SV2B: variants seen among roughly 807,000 people sequenced by gnomAD.
SV2B encodes the protein solute carrier family 22 member B2.
Under a neutral mutation model 73.9 loss-of-function variants are expected in SV2B, and 41 were observed. The ratio of observed to expected loss-of-function variants is 0.56; its 90% CI spans 0.43 to 0.72. The LOEUF is 0.72. SV2B is among the 30% of genes least tolerant of loss of function. The probability of loss-of-function intolerance (pLI) is 0.00; values close to 1 mark genes in which losing one functional copy is unlikely to be tolerated. For missense variants in SV2B, 764 were observed against 857.8 expected (o/e 0.89, Z 1.37); for synonymous variants, 314 against 314.2 (o/e 1.00, Z 0.01).
At chr15:91,212,815 A>G in intron 1 of SV2B, among the ~76,000 whole-genome samples, 1 of 151,734 alleles carries the variant, frequency 6.6e-6, no homozygotes, top group Non-Finnish European at 1.5e-5. Flanking sequence ...AAAATAAGAA[A>G]AAGAAAAAAA....
chr15:91,125,409 G>A (rs921206023), intron 1 of SV2B, among the ~76,000 whole-genome samples: 3 of 152,002 alleles, frequency 2.0e-5, no homozygotes, highest in Admixed American at 6.6e-5. Context: ...ATCATCCAAC[G>A]GTGATCCCAG....
chr15:91,188,651 G>T (rs1043480731), intron 1 of SV2B, among the ~76,000 whole-genome samples: 1 of 151,966 alleles, frequency 6.6e-6, no homozygotes, highest in Admixed American at 6.6e-5. Flanking sequence ...TATGTCATTT[G>T]AATAGTGTAG....
intron 1 of SV2B, among the ~76,000 whole-genome samples, chr15:91,150,671 G>A (rs79665552): frequency 0.028 from 4,275 of 152,214 alleles, 221 homozygotes; most frequent in African/African-American, 0.095. Context: ...AGATGGGTGG[G>A]CACAAATTGT....
intron 2 of SV2B, among the ~76,000 whole-genome samples, chr15:91,235,904 G>T (rs3784774): frequency 1.2e-4 from 18 of 152,130 alleles, no homozygotes; most frequent in South Asian, 4.1e-4. Flanking sequence ...GAGATAGAGA[G>T]GGGGAGAGAG....
intron 1 of SV2B, among the ~76,000 whole-genome samples, chr15:91,203,424 C>T (rs991896125): frequency 6.6e-6 from 1 of 152,222 alleles, no homozygotes; most frequent in Admixed American, 6.5e-5. Flanking sequence ...CCATTAGAAT[C>T]CTGTTATGTA....
intron 1 of SV2B, among the ~76,000 whole-genome samples, chr15:91,119,390 C>T (rs1277760013): frequency 6.6e-6 from 1 of 152,180 alleles, no homozygotes; most frequent in Non-Finnish European, 1.5e-5. Flanking sequence ...GGTGACCTGC[C>T]TGAATTTAGC....
At chr15:91,199,294 T>C (rs927342592) in intron 1 of SV2B, among the ~76,000 whole-genome samples, 2 of 152,134 alleles carry the variant, frequency 1.3e-5, no homozygotes, top group African/African-American at 4.8e-5. Context: ...GGATGGAAAT[T>C]AGGGAGTGAC....
intron 1 of SV2B, among the ~76,000 whole-genome samples, chr15:91,166,431 T>G (rs1272920192): frequency 2.0e-5 from 3 of 152,120 alleles, no homozygotes; most frequent in Non-Finnish European, 4.4e-5. Flanking sequence ...TAGTTTTCTT[T>G]GAGTTTATCC....
At position 91,268,920 on chromosome 15, in the gene SV2B, A is replaced by G. The variant is rs2048201484; in HGVS notation, c.1373+315A>G. 6.6e-6 allele frequency among the ~76,000 whole-genome samples: 1 copy of G among 152,112 alleles called. No homozygotes were observed. Among genetic ancestry groups the G allele is most frequent in the Non-Finnish European group, 1.5e-5 (1 of 68,024 alleles). On this transcript the variant is annotated intron_variant, in intron 9 of 12. Transcript: ENST00000394232. The surrounding 1 kb of genome is among the most constrained non-coding windows in gnomAD (Gnocchi z 4.4). ...TCCCATTAAGAGTGGCTGCCCAGAG[A>G]AAGGGCCTAGGGCTCTTACTGCTGA...
intron 1 of SV2B, among the ~76,000 whole-genome samples, chr15:91,194,571 G>C (rs1394824854): frequency 6.6e-6 from 1 of 152,212 alleles, no homozygotes; most frequent in Non-Finnish European, 1.5e-5. Context: ...GAAAATTGTA[G>C]AAATGAATTT....
chr15:91,263,285 AACACAGAC>A (rs1189796261), intron 6 of SV2B, among the ~76,000 whole-genome samples: 7 of 150,792 alleles, frequency 4.6e-5, no homozygotes, highest in African/African-American at 1.7e-4. Context: ...GACACACATG[AACACAGAC>A]ACACAGACAC....
At chr15:91,279,327 A>C (rs559306455) in intron 9 of SV2B, among the ~76,000 whole-genome samples, 4 of 152,262 alleles carry the variant, frequency 2.6e-5, no homozygotes, top group African/African-American at 9.6e-5. Context: ...CACTTGCTGG[A>C]CTAACCATTG....
rs1053938730 is a variant in SV2B, at chr15:91,289,600, G to A, written c.1788G>A (p.Gln596=). 2 of 1,614,110 alleles carry A rather than the reference G, an allele frequency of 1.2e-6. No homozygotes were observed. The highest frequency in any genetic ancestry group is 1.7e-6 in the Non-Finnish European group (2 of 1,180,050). Residue 596 remains glutamine (Q), a synonymous_variant, in exon 12 of 13, where the codon CAG becomes CAA. Coordinates refer to ENST00000394232, the MANE Select transcript of SV2B (RefSeq NM_001323032.3). This position sits in a 1 kb window ranked among gnomAD's most constrained non-coding sequence, Gnocchi z 4.9. ...GTGAGTCTGCAATGATCGGCTGGCA[G>A]TGCCTGTTCTGTGGGACAAGCATTG... is the stretch of plus-strand genomic sequence containing the variant. ...GNSESAMIGW[Q]CLFCGTSIAA...
At chr15:91,190,974 A>G (rs57313254) in intron 1 of SV2B, among the ~76,000 whole-genome samples, 7,104 of 146,732 alleles carry the variant, frequency 0.048, 557 homozygotes, top group African/African-American at 0.16. Context: ...ACCTTTATTT[A>G]TCATACCTCT....
At position 91,236,332 on chromosome 15, in the gene SV2B, C is replaced by G. The variant is rs2046779480; in HGVS notation, c.451+9618C>G. On this transcript the variant is annotated intron_variant, in intron 2 of 12. Transcript: ENST00000394232. This position sits in a 1 kb window ranked among gnomAD's most constrained non-coding sequence, Gnocchi z 4.1. ...TTGTATTGATTCACCTATATTTATG[C>G]TTATATTTGCTTCCACAATGGAAAA... is the stretch of plus-strand genomic sequence containing the variant. 6.6e-6 allele frequency among the ~76,000 whole-genome samples: 1 copy of G among 152,094 alleles called. No homozygotes were observed. The highest frequency in any genetic ancestry group is 1.5e-5 in the Non-Finnish European group (1 of 68,016).
At chr15:91,259,348 G>C (rs1268918173) in intron 5 of SV2B, among the ~76,000 whole-genome samples, 3 of 152,134 alleles carry the variant, frequency 2.0e-5, no homozygotes, top group African/African-American at 7.2e-5. Context: ...AGCAGGCAGA[G>C]GGGCAACAGG....
chr15:91,266,274 C>T (rs1056118900), intron 6 of SV2B, among the ~76,000 whole-genome samples: 1 of 152,212 alleles, frequency 6.6e-6, no homozygotes. Context: ...GTCCACTTTC[C>T]AGGGACTGCT....
In SV2B at chr15:91,239,182, C is replaced by T. The variant is rs926203712; in HGVS notation, c.451+12468C>T. ...GGCTGGATGTGAACATCCTCTTCTCCGTGTGGGCTGGCCTGGCTGCTTGAA... is the reference window on the plus strand; with the variant it reads ...GGCTGGATGTGAACATCCTCTTCTCTGTGTGGGCTGGCCTGGCTGCTTGAA... On this transcript the variant is annotated intron_variant, in intron 2 of 12. Transcript: ENST00000394232. The surrounding 1 kb of genome is among the most constrained non-coding windows in gnomAD (Gnocchi z 5.1). Among the ~76,000 whole-genome samples the T allele has an allele frequency of 3.9e-5, 6 of 152,102 alleles. No homozygotes were observed. Among genetic ancestry groups the T allele is most frequent in the East Asian group, 1.9e-4 (1 of 5,172 alleles).
chr15:91,223,539 A>G lies in SV2B; in HGVS notation c.-391-2334A>G, dbSNP rs1176927290. 6.6e-6 allele frequency among the ~76,000 whole-genome samples: 1 copy of G among 152,168 alleles called. No homozygotes were observed. The highest frequency in any genetic ancestry group is 2.4e-5 in the African/African-American group (1 of 41,426). On this transcript the variant is annotated intron_variant, in intron 1 of 12. Coordinates refer to ENST00000394232, the MANE Select transcript of SV2B (RefSeq NM_001323032.3). The surrounding 1 kb of genome is among the most constrained non-coding windows in gnomAD (Gnocchi z 4.6). ...CAAGTGCTTTTGGAATTGCAAGTCT[A>G]TCATTTCTGGTTCACGACGTTGTTA...
Sources: allele counts gnomAD v4.1 joint callset (sites outside exome capture counted in the v4.1 genomes callset), GRCh38; gene constraint gnomAD v4.1.1; non-coding constraint Gnocchi (gnomAD v3.1); transcripts MANE v1.5; gene names NCBI Gene and HGNC (gene_info 2026-07-23, HGNC 2026-07-21).